CRISPLD2: variants seen among roughly 807,000 people sequenced by gnomAD.
CRISPLD2 encodes the protein cysteine rich secretory protein LCCL domain containing 2.
CRISPLD2 carries 47 observed loss-of-function variants against 71.1 expected under a neutral mutation model. The observed-to-expected ratio is 0.66, with a 90% CI of 0.52 to 0.84. The LOEUF is 0.84. Among genes scored for constraint, CRISPLD2 ranks in the 40% least tolerant of loss-of-function variants. The probability of loss-of-function intolerance (pLI) is 0.00; values close to 1 mark genes in which losing one functional copy is unlikely to be tolerated. For missense variants in CRISPLD2, 830 were observed against 651.1 expected (o/e 1.27, Z -2.99); for synonymous variants, 317 against 250.1 (o/e 1.27, Z -2.52).
At chr16:84,827,514 C>G (rs1474086861) in intron 1 of CRISPLD2, among the ~76,000 whole-genome samples, 1 of 151,778 alleles carries the variant, frequency 6.6e-6, no homozygotes, top group Non-Finnish European at 1.5e-5. Flanking sequence ...GTGACCCCTT[C>G]TGAGCCTTTG....
rs529710357 is a variant in CRISPLD2 at position 84,891,233 on chromosome 16, A to C, written c.1439+1870A>C. On this transcript the variant is annotated intron_variant, in intron 14 of 14. Transcript: ENST00000262424. ...CGTTCTTTAGAGAAGGAATAAAATC[A>C]AGGCTGTAACTTGCCCTGGGCCCCT... 5.3e-5 allele frequency among the ~76,000 whole-genome samples: 8 copies of C among 152,350 alleles called. No homozygotes were observed. In the South Asian group the frequency reaches 1.2e-3, roughly 24 times the overall value.
At chr16:84,888,326 G>A (rs918048745) in intron 13 of CRISPLD2, among the ~76,000 whole-genome samples, 2 of 152,242 alleles carry the variant, frequency 1.3e-5, no homozygotes, top group African/African-American at 4.8e-5. Flanking sequence ...TTGAGCCCAG[G>A]AGTTCAGGAC....
At chr16:84,824,700 C>T (rs1251137518) in intron 1 of CRISPLD2, among the ~76,000 whole-genome samples, 3 of 152,186 alleles carry the variant, frequency 2.0e-5, no homozygotes, top group Non-Finnish European at 2.9e-5. Flanking sequence ...TCACTCCTGC[C>T]GTCTGTTCAC....
chr16:84,887,876 C>G (rs2071626873), intron 13 of CRISPLD2, among the ~76,000 whole-genome samples: 1 of 151,966 alleles, frequency 6.6e-6, no homozygotes. Flanking sequence ...AACTCCGTCT[C>G]AAAAAATAGA....
At chr16:84,848,902 C>T (rs1269085073) in intron 3 of CRISPLD2, among the ~76,000 whole-genome samples, 1 of 146,438 alleles carries the variant, frequency 6.8e-6, no homozygotes, top group East Asian at 2.1e-4. Context: ...AGGAGAATGG[C>T]GTGAACCCGG....
chr16:84,901,624 AC>A lies in CRISPLD2; in HGVS notation c.1440-4962del, dbSNP rs2071755104. 6.0e-5 allele frequency among the ~76,000 whole-genome samples: 9 copies of A among 150,722 alleles called. No homozygotes were observed. In the Admixed American group the frequency reaches 6.0e-4, roughly 10 times the overall value. On this transcript the variant is annotated intron_variant, in intron 14 of 14. Coordinates refer to ENST00000262424, the MANE Select transcript of CRISPLD2 (RefSeq NM_031476.4). ...GTAGCTGGGATTACAGGCATCTGCC[AC>A]CATACCCAGCTAATTTTTGTTTTTG...
intron 14 of CRISPLD2, among the ~76,000 whole-genome samples, chr16:84,893,597 G>A (rs1489569922): frequency 6.6e-6 from 1 of 152,236 alleles, no homozygotes; most frequent in East Asian, 1.9e-4. Context: ...ACACAGTGCA[G>A]AAATGACAAT....
intron 1 of CRISPLD2, among the ~76,000 whole-genome samples, chr16:84,835,634 C>T (rs1916600623): frequency 1.3e-5 from 2 of 152,186 alleles, no homozygotes; most frequent in South Asian, 4.1e-4. Context: ...TTGGAGAAAC[C>T]CTCCCATTCC....
chr16:84,838,471 C>T lies in CRISPLD2; in HGVS notation c.-25C>T, dbSNP rs1916681241. On this transcript the variant is annotated 5_prime_UTR_variant, in exon 2 of 15. Transcript: ENST00000262424. ...AGGAGCCCAGGCTGCCCCGTGAGTC[C>T]CATAGTTGCTGCAGGAGTGGAGCCA... 1 of 1,608,172 alleles carries T rather than the reference C, an allele frequency of 6.2e-7. No individual in the cohort carries two copies. Among genetic ancestry groups the T allele is most frequent in the African/African-American group, 1.3e-5 (1 of 74,962 alleles).
rs2071641080 is a variant in CRISPLD2 at position 84,889,340 on chromosome 16, C to T, written c.1416C>T (p.Leu472=). 2 of 1,613,674 alleles carry T rather than the reference C, an allele frequency of 1.2e-6. No homozygotes were observed. Among genetic ancestry groups the T allele is most frequent in the Non-Finnish European group, 1.7e-6 (2 of 1,179,702 alleles). The change falls in exon 14 of 15, where the codon CTC becomes CTT. Residue 472 remains leucine (L), a synonymous_variant. Transcript: ENST00000262424. ...AAAAGAAGACCTACGTGGGCTCGCT[C>T]AGGAATGGAGTTCAGTCTGAAAGGT... The part of the protein sequence containing the change: ...VDKKKTYVGS[L]RNGVQSESLG...
intron 4 of CRISPLD2, 35 bp downstream of exon 4, chr16:84,849,552 C>T (rs1351920985): frequency 6.2e-6 from 10 of 1,603,582 alleles, no homozygotes; most frequent in South Asian, 4.4e-5. Context: ...TCAGCCCTGC[C>T]CCCCAATCCC....
intron 13 of CRISPLD2, among the ~76,000 whole-genome samples, chr16:84,882,371 AGC>A (rs2071576453): frequency 2.6e-4 from 30 of 114,106 alleles, no homozygotes; most frequent in East Asian, 5.2e-4. Context: ...AAAAAAAAAA[AGC>A]AAGAACTTAA....
chr16:84,889,510 G>C (rs1283565816), intron 14 of CRISPLD2, 147 bp downstream of exon 14: 1 of 715,126 alleles, frequency 1.4e-6, no homozygotes, highest in African/African-American at 1.9e-5. Flanking sequence ...CCAGGTAAGA[G>C]ACTTCTTTGC....
chr16:84,871,305 C>T (rs1247631957), intron 8 of CRISPLD2, among the ~76,000 whole-genome samples: 2 of 152,116 alleles, frequency 1.3e-5, no homozygotes, highest in Non-Finnish European at 2.9e-5. Context: ...CCTGTAACCT[C>T]AGCACCTTGG....
Position 84,849,262 on chromosome 16 carries a change from C to G in CRISPLD2, c.360-123C>G, listed in dbSNP as rs1247463559. ...CCCTCCCGGCTGCCCGTGGCTGCTC[C>G]TGGAATTGGCCGCTATTCACCCTCC... On this transcript the variant is annotated intron_variant, in intron 3 of 14. Coordinates refer to ENST00000262424, the MANE Select transcript of CRISPLD2 (RefSeq NM_031476.4). 5 of 982,638 alleles carry G rather than the reference C, an allele frequency of 5.1e-6. No individual in the cohort carries two copies. The African/African-American group carries it at 6.4e-5, about 13-fold the overall frequency. 60.9% of individuals were successfully genotyped at this position (982,638 alleles called of 1,614,324 possible).
chr16:84,864,936 C>G (rs2143264132), intron 6 of CRISPLD2, among the ~76,000 whole-genome samples: 1 of 152,248 alleles, frequency 6.6e-6, no homozygotes, highest in Admixed American at 6.5e-5. Flanking sequence ...ACAGGACCAG[C>G]CTGGGGTGGT....
At chr16:84,857,350 G>A (rs1019447374) in intron 6 of CRISPLD2, among the ~76,000 whole-genome samples, 4 of 152,208 alleles carry the variant, frequency 2.6e-5, no homozygotes. Context: ...TCACCTTTTG[G>A]TGAGCATTGA....
In CRISPLD2 at chr16:84,908,065, C is replaced by T. The variant is rs983471802; in HGVS notation, c.*1423C>T. 3 of 152,190 alleles carry T rather than the reference C, an allele frequency of 2.0e-5. No homozygotes were observed. The highest frequency in any genetic ancestry group is 4.4e-5 in the Non-Finnish European group (3 of 68,046). 9.4% of individuals were successfully genotyped at this position (152,190 alleles called of 1,614,324 possible). A position where few individuals can be genotyped will look rare whatever the true frequency, so the allele number is the denominator to read the frequency against. On this transcript the variant is annotated 3_prime_UTR_variant, in exon 15 of 15. Transcript: ENST00000262424. Reference sequence around the variant, plus strand: ...TCAAAATATTTCTTAGGTGAAAGAACTAGCAGAAAGTCAAAAACTAAGATA... The same window carrying T: ...TCAAAATATTTCTTAGGTGAAAGAATTAGCAGAAAGTCAAAAACTAAGATA...
chr16:84,862,296 G>A (rs969492980), intron 6 of CRISPLD2, among the ~76,000 whole-genome samples: 7 of 151,966 alleles, frequency 4.6e-5, no homozygotes, highest in African/African-American at 1.2e-4. Flanking sequence ...TCAACCTCCC[G>A]GCCTCAAGGG....
Sources: allele counts gnomAD v4.1 joint callset (sites outside exome capture counted in the v4.1 genomes callset), GRCh38; gene constraint gnomAD v4.1.1; transcripts MANE v1.5; gene names NCBI Gene and HGNC (gene_info 2026-07-23, HGNC 2026-07-21).